Variants in STARD13 observed in about 807,000 individuals in gnomAD.
STARD13 encodes stAR-related lipid transfer protein 13.
STARD13 carries 62 observed loss-of-function variants against 106.4 expected under a neutral mutation model. That is an observed-to-expected ratio of 0.58 (90% CI 0.48 to 0.72). The LOEUF (loss-of-function observed/expected upper bound fraction) is 0.72. Ranked by LOEUF, STARD13 falls within the 30% of genes least tolerant of loss-of-function variation. STARD13 has a pLI of 0.00. For synonymous variants in STARD13, 565 were observed against 553.0 expected (o/e 1.02, Z -0.31); for missense variants, 1,387 against 1,424.0 (o/e 0.97, Z 0.42).
the STARD13 span, among the ~76,000 whole-genome samples, chr13:33,380,778 G>A: frequency 6.6e-6 from 1 of 151,904 alleles, no homozygotes; most frequent in Non-Finnish European, 1.5e-5. Context: ...GTGTAGAGCA[G>A]GCTAGGCCTT....
intron 1 of STARD13, among the ~76,000 whole-genome samples, chr13:33,237,374 G>T (rs1185881194): frequency 1.3e-5 from 2 of 152,204 alleles, no homozygotes; most frequent in African/African-American, 4.8e-5. Flanking sequence ...GTCCCTGCCA[G>T]CAAGAAGGCA....
chr13:33,220,405 C>A (rs1888290394), intron 1 of STARD13, among the ~76,000 whole-genome samples: 1 of 152,102 alleles, frequency 6.6e-6, no homozygotes, highest in African/African-American at 2.4e-5. Context: ...AAAATGACTG[C>A]ATTTAGGCCA....
the STARD13 span, among the ~76,000 whole-genome samples, chr13:33,425,561 G>A: frequency 6.6e-6 from 1 of 152,184 alleles, no homozygotes; most frequent in East Asian, 1.9e-4. Context: ...CTAGAACTTA[G>A]TGGCCAGTTG....
intron 3 of STARD13, among the ~76,000 whole-genome samples, chr13:33,155,003 C>G (rs537910330): frequency 1.3e-5 from 2 of 152,070 alleles, no homozygotes; most frequent in African/African-American, 4.8e-5. Context: ...CCTGCCTGCC[C>G]GTAGAGAGGA....
At chr13:33,226,435 CTTT>C (rs71196514) in intron 1 of STARD13, among the ~76,000 whole-genome samples, 24 of 130,204 alleles carry the variant, frequency 1.8e-4, no homozygotes, top group Admixed American at 2.3e-4. Flanking sequence ...AAATTTAGTT[CTTT>C]TTTTTTTTTT....
intron 1 of STARD13, among the ~76,000 whole-genome samples, chr13:33,170,385 C>A (rs900603805): frequency 6.6e-6 from 1 of 152,176 alleles, no homozygotes; most frequent in Non-Finnish European, 1.5e-5. Flanking sequence ...GGGGCTGAAG[C>A]TAGCCAGGGA....
At chr13:33,167,975 CA>C (rs1489404032) in intron 1 of STARD13, among the ~76,000 whole-genome samples, 2 of 67,188 alleles carry the variant, frequency 3.0e-5, no homozygotes, top group Non-Finnish European at 5.6e-5. Context: ...TTCTTCTTTA[CA>C]ATTCTTTTTT....
chr13:33,396,990 G>A, the STARD13 span, among the ~76,000 whole-genome samples: 2 of 152,156 alleles, frequency 1.3e-5, no homozygotes, highest in Non-Finnish European at 2.9e-5. Context: ...AATTCAAGGG[G>A]AAGCTGAAAT....
intron 1 of STARD13, among the ~76,000 whole-genome samples, chr13:33,189,675 C>T (rs917197477): frequency 4.0e-4 from 61 of 151,896 alleles, no homozygotes; most frequent in African/African-American, 1.4e-3. Flanking sequence ...GGGCCCAGTT[C>T]ACAGCTATTT....
chr13:33,645,285 A>T, the STARD13 span, among the ~76,000 whole-genome samples: 4 of 152,312 alleles, frequency 2.6e-5, no homozygotes, highest in African/African-American at 9.6e-5. Flanking sequence ...TGAGGCCTGG[A>T]AACCACAGGG....
chr13:33,230,460 C>A (rs1035345642), intron 1 of STARD13, among the ~76,000 whole-genome samples: 3 of 152,208 alleles, frequency 2.0e-5, no homozygotes, highest in African/African-American at 4.8e-5. Flanking sequence ...CTTTGCCCAG[C>A]CCTTTATTTC....
At chr13:33,540,206 T>C in the STARD13 span, among the ~76,000 whole-genome samples, 1 of 152,148 alleles carries the variant, frequency 6.6e-6, no homozygotes, top group Non-Finnish European at 1.5e-5. Context: ...TCTTTTTCTT[T>C]CTTCATAATT....
the STARD13 span, among the ~76,000 whole-genome samples, chr13:33,633,160 C>T: frequency 9.2e-5 from 14 of 152,126 alleles, no homozygotes; most frequent in Admixed American, 7.9e-4. Flanking sequence ...TGCATTTGAC[C>T]CTTGTGGGTA....
chr13:33,375,227 C>A, the STARD13 span, among the ~76,000 whole-genome samples: 3 of 152,060 alleles, frequency 2.0e-5, no homozygotes, highest in Non-Finnish European at 4.4e-5. Flanking sequence ...AGAAACCAAT[C>A]CAGATGTGCC....
chr13:33,405,080 TG>T, the STARD13 span, among the ~76,000 whole-genome samples: 1,390 of 152,312 alleles, frequency 9.1e-3, 17 homozygotes, highest in African/African-American at 0.032. Context: ...CCCAGCCTTC[TG>T]GGACTCTTTC....
the STARD13 span, among the ~76,000 whole-genome samples, chr13:33,614,859 GAT>G: frequency 3.9e-4 from 59 of 152,232 alleles, no homozygotes; most frequent in African/African-American, 1.2e-3. Flanking sequence ...AGGGAAAGAA[GAT>G]AGGATTCTCG....
At chr13:33,527,668 GA>G in the STARD13 span, among the ~76,000 whole-genome samples, 2 of 151,234 alleles carry the variant, frequency 1.3e-5, no homozygotes, top group East Asian at 1.9e-4. Context: ...CAGAATAAAA[GA>G]AAAAAATAAA....
chr13:33,629,704 T>C, the STARD13 span, among the ~76,000 whole-genome samples: 1 of 152,236 alleles, frequency 6.6e-6, no homozygotes, highest in African/African-American at 2.4e-5. Context: ...TGTCTTTAGA[T>C]GTGTAAGAAT....
intron 1 of STARD13, among the ~76,000 whole-genome samples, chr13:33,322,876 T>C (rs889749867): frequency 1.3e-5 from 2 of 152,198 alleles, no homozygotes; most frequent in Non-Finnish European, 2.9e-5. Context: ...TCCCTGTGGA[T>C]GTTGAATTAA....
Sources: allele counts gnomAD v4.1 joint callset (sites outside exome capture counted in the v4.1 genomes callset), GRCh38; gene constraint gnomAD v4.1.1; transcripts MANE v1.5; gene names NCBI Gene and HGNC (gene_info 2026-07-23, HGNC 2026-07-21).